The following ADGRL2 variants were observed in gnomAD, a reference collection of about 807,000 sequenced individuals.
ADGRL2 encodes calcium-independent alpha-latrotoxin receptor 2.
ADGRL2 carries 44 observed loss-of-function variants against 157.4 expected under a neutral mutation model. The ratio of observed to expected loss-of-function variants is 0.28; its 90% CI spans 0.22 to 0.36. ADGRL2 has a LOEUF of 0.36. ADGRL2 is among the 10% of genes least tolerant of loss of function. The pLI is 1.00. For missense variants in ADGRL2, 1,510 were observed against 1,768.9 expected (o/e 0.85, Z 2.63); for synonymous variants, 585 against 624.7 (o/e 0.94, Z 0.95).
intron 1 of ADGRL2, among the ~76,000 whole-genome samples, chr1:81,728,566 C>T (rs1403848257): frequency 6.6e-6 from 1 of 152,086 alleles, no homozygotes; most frequent in African/African-American, 2.4e-5. Flanking sequence ...TAAGCACAAT[C>T]GAAGTTTATT....
intron 11 of ADGRL2, among the ~76,000 whole-genome samples, chr1:81,960,543 C>T (rs949232750): frequency 3.0e-5 from 4 of 135,534 alleles, no homozygotes; most frequent in Admixed American, 7.2e-5. Context: ...GGCATGATCT[C>T]GGCTCACTGC....
chr1:81,805,752 A>G (rs2089037761), intron 1 of ADGRL2, among the ~76,000 whole-genome samples: 1 of 150,646 alleles, frequency 6.6e-6, no homozygotes, highest in Non-Finnish European at 1.5e-5. Context: ...AAAAGGCCAC[A>G]TTGATGTAAT....
At chr1:81,656,226 G>A (rs2082530826) in intron 3 of ADGRL2, among the ~76,000 whole-genome samples, 1 of 152,132 alleles carries the variant, frequency 6.6e-6, no homozygotes, top group African/African-American at 2.4e-5. Flanking sequence ...CTTGTGCTCA[G>A]CACTTTAACA....
At chr1:81,461,936 G>C (rs866524055) in intron 2 of ADGRL2, among the ~76,000 whole-genome samples, 5 of 146,956 alleles carry the variant, frequency 3.4e-5, no homozygotes, top group East Asian at 4.0e-4. Context: ...AGAAAGGGGG[G>C]GGGGGGTGGT....
chr1:81,990,233 T>A (rs1664321612), intron 23 of ADGRL2, 158 bp from the exon 24 acceptor site: 1 of 985,304 alleles, frequency 1.0e-6, no homozygotes, highest in African/African-American at 1.7e-5. Flanking sequence ...TTGCAACTAT[T>A]TACAGTTGGG....
intron 21 of ADGRL2, 91 bp downstream of exon 21, chr1:81,985,446 T>G (rs748340551): frequency 9.1e-5 from 58 of 638,300 alleles, no homozygotes; most frequent in Non-Finnish European, 1.5e-4. Flanking sequence ...AAATATAATT[T>G]TAAACTGCAT....
intron 2 of ADGRL2, among the ~76,000 whole-genome samples, chr1:81,545,599 A>T (rs923378437): frequency 1.3e-5 from 2 of 152,120 alleles, no homozygotes; most frequent in African/African-American, 4.8e-5. Context: ...TCTAATGAGC[A>T]TCTAAGTTCC....
chr1:81,404,045 C>G (rs373236730), intron 1 of ADGRL2, among the ~76,000 whole-genome samples: 1 of 152,136 alleles, frequency 6.6e-6, no homozygotes. Flanking sequence ...ATCCGTCCAC[C>G]TCGGCCTCCC....
chr1:81,485,749 A>T (rs958087753), intron 2 of ADGRL2, among the ~76,000 whole-genome samples: 1 of 152,148 alleles, frequency 6.6e-6, no homozygotes, highest in African/African-American at 2.4e-5. Flanking sequence ...AAGTAAACAA[A>T]CATTTAGAAA....
intron 17 of ADGRL2, among the ~76,000 whole-genome samples, chr1:81,974,490 G>C (rs1659617498): frequency 6.6e-6 from 1 of 152,134 alleles, no homozygotes; most frequent in Non-Finnish European, 1.5e-5. Flanking sequence ...GGGAGAAATA[G>C]GTTTCTGCTT....
At chr1:81,547,403 C>T (rs1251195843) in intron 2 of ADGRL2, among the ~76,000 whole-genome samples, 1 of 152,180 alleles carries the variant, frequency 6.6e-6, no homozygotes, top group Non-Finnish European at 1.5e-5. Flanking sequence ...ACCCTTCCCT[C>T]ACTCAACCCC....
At chr1:81,656,828 G>A (rs1444950198) in intron 3 of ADGRL2, among the ~76,000 whole-genome samples, 1 of 151,788 alleles carries the variant, frequency 6.6e-6, no homozygotes, top group Non-Finnish European at 1.5e-5. Flanking sequence ...TGGGCAACAT[G>A]GCAAAACCCT....
At chr1:81,599,532 G>C (rs2081297850) in intron 3 of ADGRL2, among the ~76,000 whole-genome samples, 1 of 151,314 alleles carries the variant, frequency 6.6e-6, no homozygotes, top group East Asian at 2.0e-4. Flanking sequence ...AGATTTTCAT[G>C]GTAGATGAAT....
intron 2 of ADGRL2, among the ~76,000 whole-genome samples, chr1:81,838,486 T>C (rs973934063): frequency 1.3e-5 from 2 of 152,080 alleles, no homozygotes; most frequent in East Asian, 3.8e-4. Flanking sequence ...AATAATACTA[T>C]CATAAACAGT....
chr1:81,909,185 T>C (rs2094653271), intron 3 of ADGRL2, among the ~76,000 whole-genome samples: 1 of 152,094 alleles, frequency 6.6e-6, no homozygotes, highest in Admixed American at 6.6e-5. Flanking sequence ...CTTGTATATC[T>C]TTTTTGTATC....
intron 6 of ADGRL2, among the ~76,000 whole-genome samples, chr1:81,944,609 A>C (rs984591457): frequency 6.6e-6 from 1 of 152,080 alleles, no homozygotes; most frequent in East Asian, 1.9e-4. Context: ...TGCACTGTTT[A>C]TAAGTCTTCT....
intron 2 of ADGRL2, among the ~76,000 whole-genome samples, chr1:81,845,512 G>A (rs575867975): frequency 6.6e-6 from 1 of 151,838 alleles, no homozygotes; most frequent in South Asian, 2.1e-4. Flanking sequence ...TTAACACTTT[G>A]ATTTGTAAAA....
At chr1:81,508,375 T>A (rs948878073) in intron 2 of ADGRL2, among the ~76,000 whole-genome samples, 4 of 152,148 alleles carry the variant, frequency 2.6e-5, no homozygotes, top group Non-Finnish European at 5.9e-5. Context: ...CACCCCTACC[T>A]CAGTCACAGA....
chr1:81,901,172 A>G (rs1340546070), intron 2 of ADGRL2, among the ~76,000 whole-genome samples: 4 of 152,172 alleles, frequency 2.6e-5, no homozygotes, highest in Admixed American at 2.0e-4. Flanking sequence ...ATAAAATAGA[A>G]ATTGCCTCAG....
Sources: gnomAD v4.1 joint callset for allele counts (sites outside exome capture counted in the v4.1 genomes callset) on GRCh38, gnomAD v4.1.1 for gene constraint, MANE v1.5 for transcripts, NCBI Gene and HGNC (gene_info 2026-07-23, HGNC 2026-07-21) for gene names.